The following PUS10 variants were observed in gnomAD, a reference collection of about 807,000 sequenced individuals.
PUS10 encodes pseudouridine synthase 10, also known as tRNA pseudouridine synthase Pus10.
In PUS10, 59 loss-of-function variants were observed where a neutral mutation model predicts 75.0. The observed-to-expected ratio is 0.79, with a 90% CI of 0.64 to 0.98. The LOEUF (loss-of-function observed/expected upper bound fraction) is 0.98, where lower values mean the gene tolerates loss of function less well. Ranked by LOEUF, PUS10 falls within the 50% of genes least tolerant of loss-of-function variation. The pLI, the probability that PUS10 is intolerant of heterozygous loss-of-function variation, is 0.00. For missense variants in PUS10, 650 were observed against 614.4 expected (o/e 1.06, Z -0.61); for synonymous variants, 219 against 211.6 (o/e 1.03, Z -0.30).
intron 11 of PUS10, among the ~76,000 whole-genome samples, chr2:60,959,671 G>A (rs778573788): frequency 6.6e-6 from 1 of 152,130 alleles, no homozygotes. Context: ...TTGCAGGTGC[G>A]CACCACTGCA....
intron 6 of PUS10, chr2:60,966,089 A>G (rs1373869251): frequency 6.6e-6 from 1 of 152,102 alleles, no homozygotes; most frequent in African/African-American, 2.4e-5. Flanking sequence ...CATTTTTGTG[A>G]ATATAAATGT....
At chr2:61,015,021 A>G (rs1679876633) in intron 1 of PUS10, among the ~76,000 whole-genome samples, 1 of 152,226 alleles carries the variant, frequency 6.6e-6, no homozygotes, top group Non-Finnish European at 1.5e-5. Context: ...ATTCTAATTC[A>G]GGGGAATATG....
chr2:60,965,629 C>T (rs1245723534), intron 6 of PUS10, 145 bp from the exon 7 acceptor site: 4 of 582,662 alleles, frequency 6.9e-6, no homozygotes, highest in Non-Finnish European at 1.2e-5. Flanking sequence ...CTCAAATCAA[C>T]TTGTTATCAG....
intron 1 of PUS10, chr2:61,017,091 ACT>A (rs1680042808): frequency 3.3e-5 from 5 of 150,448 alleles, no homozygotes; most frequent in African/African-American, 1.2e-4. Flanking sequence ...AGAGAAACGA[ACT>A]CTCTCCCGCC....
chr2:60,954,236 G>A lies in PUS10; in HGVS notation c.1058-78C>T. 18 of 1,391,590 alleles carry A rather than the reference G, an allele frequency of 1.3e-5. No homozygotes were observed. In the South Asian group the frequency reaches 1.9e-4, roughly 15 times the overall value. 86.2% of individuals were successfully genotyped at this position (1,391,590 alleles called of 1,614,324 possible). A position where few individuals can be genotyped will look rare whatever the true frequency, so the allele number is the denominator to read the frequency against. On this transcript the variant is annotated intron_variant, in intron 12 of 17. Coordinates refer to ENST00000316752, the MANE Select transcript of PUS10 (RefSeq NM_144709.4). ...TTGGGCTAATGCAAGAGGGTTAGGA[G>A]GTGTGAAAAGTGGGTTGAGCTCTAG...
At chr2:60,978,630 A>G (rs2104471597) in intron 4 of PUS10, among the ~76,000 whole-genome samples, 1 of 152,188 alleles carries the variant, frequency 6.6e-6, no homozygotes, top group African/African-American at 2.4e-5. Flanking sequence ...GACCCATACT[A>G]AGGGGTTTAG....
At chr2:60,994,040 C>G (rs538122818) in intron 4 of PUS10, among the ~76,000 whole-genome samples, 1 of 152,048 alleles carries the variant, frequency 6.6e-6, no homozygotes, top group African/African-American at 2.4e-5. Flanking sequence ...CTGCCTGCCT[C>G]GGCCTCCCAC....
chr2:61,017,442 C>T (rs913580536), intron 1 of PUS10: 2 of 260,166 alleles, frequency 7.7e-6, no homozygotes, highest in Admixed American at 5.2e-5. Context: ...GGTCCACTCC[C>T]AGAAAAGCCT....
intron 4 of PUS10, among the ~76,000 whole-genome samples, chr2:61,005,934 A>G (rs1246899770): frequency 6.6e-6 from 1 of 152,124 alleles, no homozygotes; most frequent in Non-Finnish European, 1.5e-5. Context: ...TATGCTTAGA[A>G]CCCATGGTTG....
intron 1 of PUS10, among the ~76,000 whole-genome samples, chr2:61,012,867 A>AATATAT (rs1559006783): frequency 0.076 from 2,101 of 27,666 alleles, 142 homozygotes; most frequent in East Asian, 0.13. Flanking sequence ...AAAAAAAAAA[A>AATATAT]ATATATATAT....
chr2:60,986,143 TA>T (rs1416264590), intron 4 of PUS10, among the ~76,000 whole-genome samples: 2 of 152,124 alleles, frequency 1.3e-5, no homozygotes, highest in Admixed American at 1.3e-4. Context: ...TTAAATGTTT[TA>T]AAAAAACAGT....
At chr2:61,005,971 C>A (rs1350070501) in intron 4 of PUS10, among the ~76,000 whole-genome samples, 1 of 152,134 alleles carries the variant, frequency 6.6e-6, no homozygotes, top group African/African-American at 2.4e-5. Context: ...AAGTTTCTCA[C>A]TATGCTTCAT....
chr2:61,008,713 T>C, intron 3 of PUS10, 48 bp downstream of exon 3: 1 of 1,389,048 alleles, frequency 7.2e-7, no homozygotes, highest in South Asian at 1.4e-5. Context: ...GTTTTAAGAC[T>C]GAAAATCTCT....
At chr2:60,976,960 A>G (rs1259030266) in intron 4 of PUS10, among the ~76,000 whole-genome samples, 1 of 152,210 alleles carries the variant, frequency 6.6e-6, no homozygotes, top group Non-Finnish European at 1.5e-5. Context: ...CAAATTTGAT[A>G]CCAGAGGCAG....
At position 61,008,751 on chromosome 2, in the gene PUS10, G is replaced by T; in HGVS notation, c.381+10C>A. 6.5e-7 allele frequency: 1 copy of T among 1,548,574 alleles called. No homozygotes were observed. The highest frequency in any genetic ancestry group is 8.8e-7 in the Non-Finnish European group (1 of 1,140,012). On this transcript the variant is annotated intron_variant, in intron 3 of 17. Transcript: ENST00000316752. ...ATAATTGCACCTATAATGAAAAACA[G>T]GTTATTTACCTTTTTAATGAAATCT... is the stretch of plus-strand genomic sequence containing the variant.
chr2:60,949,507 G>A (rs1675203570), intron 15 of PUS10, among the ~76,000 whole-genome samples: 3 of 151,684 alleles, frequency 2.0e-5, no homozygotes, highest in African/African-American at 7.3e-5. Context: ...ATTGCACTCC[G>A]CTGCTCCCAT....
chr2:60,967,667 A>C (rs2104388574), intron 5 of PUS10, 54 bp from the exon 6 acceptor site: 121 of 1,211,396 alleles, frequency 1.0e-4, no homozygotes, highest in Middle Eastern at 2.0e-4. Context: ...TTTTTCTATT[A>C]AAGGCAAGAA....
chr2:60,961,610 G>A, intron 9 of PUS10, 62 bp from the exon 10 acceptor site: 1 of 1,385,574 alleles, frequency 7.2e-7, no homozygotes, highest in Non-Finnish European at 1.0e-6. Context: ...ACAAAACTTA[G>A]ATGAATCAGC....
At chr2:61,008,373 A>G (rs769205462) in intron 3 of PUS10, among the ~76,000 whole-genome samples, 1 of 151,606 alleles carries the variant, frequency 6.6e-6, no homozygotes, top group Non-Finnish European at 1.5e-5. Context: ...AAAATACAAA[A>G]TTAGCCAGGC....
Sources: allele counts gnomAD v4.1 joint callset (sites outside exome capture counted in the v4.1 genomes callset), GRCh38; gene constraint gnomAD v4.1.1; transcripts MANE v1.5; gene names NCBI Gene and HGNC (gene_info 2026-07-23, HGNC 2026-07-21).